Variants in CA5A observed in about 807,000 individuals in gnomAD.
The protein encoded by CA5A is carbonic anhydrase 5A, mitochondrial.
CA5A carries 28 observed loss-of-function variants against 37.1 expected under a neutral mutation model. The ratio of observed to expected loss-of-function variants is 0.75; its 90% CI spans 0.56 to 1.03. The LOEUF (loss-of-function observed/expected upper bound fraction) is 1.03, where lower values mean the gene tolerates loss of function less well. Ranked by LOEUF, CA5A falls within the 50% of genes least tolerant of loss-of-function variation. The pLI is 0.00. For synonymous variants in CA5A, 171 were observed against 158.4 expected (o/e 1.08, Z -0.60); for missense variants, 444 against 399.9 (o/e 1.11, Z -0.94).
At chr16:87,905,655 G>C (rs2055950461) in intron 2 of CA5A, among the ~76,000 whole-genome samples, 1 of 152,192 alleles carries the variant, frequency 6.6e-6, no homozygotes, top group South Asian at 2.1e-4. Flanking sequence ...CACCGCTCCT[G>C]GGTGAGCAAG....
At chr16:87,910,929 T>C (rs564295376) in intron 2 of CA5A, among the ~76,000 whole-genome samples, 10 of 151,916 alleles carry the variant, frequency 6.6e-5, no homozygotes, top group Non-Finnish European at 1.3e-4. Flanking sequence ...TTTGTATTTT[T>C]AGTAGAGACG....
At chr16:87,915,007 C>T (rs1292520218) in intron 2 of CA5A, among the ~76,000 whole-genome samples, 1 of 152,222 alleles carries the variant, frequency 6.6e-6, no homozygotes, top group African/African-American at 2.4e-5. Context: ...AGCGATGGGG[C>T]CAGCATGGCC....
At chr16:87,899,871 G>A (rs2143939086) in intron 5 of CA5A, among the ~76,000 whole-genome samples, 1 of 139,252 alleles carries the variant, frequency 7.2e-6, no homozygotes, top group South Asian at 2.3e-4. Flanking sequence ...AGTGAGCCGA[G>A]GTCGCACCAT....
chr16:87,927,083 T>C, intron 1 of CA5A, 138 bp from the exon 2 acceptor site: 2 of 638,392 alleles, frequency 3.1e-6, no homozygotes, highest in South Asian at 3.7e-5. Context: ...AACGGGCGCG[T>C]GGGGGCCCCT....
At chr16:87,899,039 G>A (rs941449993) in intron 5 of CA5A, among the ~76,000 whole-genome samples, 11 of 152,122 alleles carry the variant, frequency 7.2e-5, no homozygotes, top group African/African-American at 2.7e-4. Context: ...CTGGGCTACT[G>A]TGGATGTTTA....
At chr16:87,900,326 G>C (rs971415451) in intron 5 of CA5A, among the ~76,000 whole-genome samples, 2 of 152,216 alleles carry the variant, frequency 1.3e-5, no homozygotes, top group African/African-American at 4.8e-5. Flanking sequence ...TGAAGTTCCT[G>C]AGCAGGCAGA....
At chr16:87,910,633 G>A (rs558706383) in intron 2 of CA5A, among the ~76,000 whole-genome samples, 206 of 152,110 alleles carry the variant, frequency 1.4e-3, no homozygotes, top group Middle Eastern at 3.4e-3. Context: ...GCTGGAGCGC[G>A]GTGGGGTGCT....
chr16:87,893,029 A>T (rs2055746606), intron 5 of CA5A: 1 of 1,231,300 alleles, frequency 8.1e-7, no homozygotes, highest in Admixed American at 1.9e-5. Flanking sequence ...GCAGACAAGA[A>T]TGTGCCCAAC....
intron 1 of CA5A, among the ~76,000 whole-genome samples, chr16:87,928,254 C>T (rs1280527625): frequency 6.6e-6 from 1 of 152,204 alleles, no homozygotes; most frequent in African/African-American, 2.4e-5. Context: ...GCCTTGAACC[C>T]CTAGGCTGAA....
intron 5 of CA5A, among the ~76,000 whole-genome samples, chr16:87,894,412 C>A (rs1321176673): frequency 1.3e-5 from 2 of 152,122 alleles, no homozygotes; most frequent in Non-Finnish European, 2.9e-5. Context: ...TGGAAGCTGG[C>A]AACCCAGATG....
intron 2 of CA5A, among the ~76,000 whole-genome samples, chr16:87,916,022 C>A (rs1248697358): frequency 1.3e-5 from 2 of 151,774 alleles, no homozygotes; most frequent in Non-Finnish European, 2.9e-5. Context: ...ATGGGGGCAG[C>A]CAAGAGACAG....
Position 87,933,573 on chromosome 16 carries a change from G to C in CA5A, c.142+2736C>G, listed in dbSNP as rs112868890. 1.8e-3 allele frequency among the ~76,000 whole-genome samples: 272 copies of C among 151,530 alleles called. 3 individuals carry two copies. The highest frequency in any genetic ancestry group is 6.2e-3 in the African/African-American group (256 of 41,344). On this transcript the variant is annotated intron_variant, in intron 1 of 6. Transcript: ENST00000649794. ...TAATTTTTTTTTTTTTTTAGAGATG[G>C]GTTCTTGCTATGTTGCCCAGGCTGA...
intron 2 of CA5A, among the ~76,000 whole-genome samples, chr16:87,913,007 C>T (rs1457392121): frequency 1.3e-5 from 2 of 150,742 alleles, no homozygotes; most frequent in African/African-American, 4.9e-5. Flanking sequence ...TTTTTTGAGA[C>T]AGAGTCTCGC....
chr16:87,892,837 G>C (rs898114796), intron 5 of CA5A: 3 of 322,974 alleles, frequency 9.3e-6, no homozygotes, highest in Non-Finnish European at 1.7e-5. Context: ...TGTATTTTTA[G>C]TAGAGACAGG....
At chr16:87,903,040 G>GGT (rs1255105559) in intron 3 of CA5A, among the ~76,000 whole-genome samples, 1 of 152,170 alleles carries the variant, frequency 6.6e-6, no homozygotes, top group Non-Finnish European at 1.5e-5. Flanking sequence ...TCCTGGTGGG[G>GGT]GGGGAAAGGA....
At chr16:87,916,182 C>A (rs13334777) in intron 2 of CA5A, among the ~76,000 whole-genome samples, 27,320 of 143,298 alleles carry the variant, frequency 0.19, 5,284 homozygotes, top group African/African-American at 0.51. Context: ...AAAAAAAAAA[C>A]AAAAAACCAT....
chr16:87,903,066 C>G (rs532373764), intron 3 of CA5A, among the ~76,000 whole-genome samples: 5 of 152,118 alleles, frequency 3.3e-5, no homozygotes, highest in African/African-American at 9.7e-5. Context: ...TCATGTTAAC[C>G]TCATCCAATA....
intron 2 of CA5A, among the ~76,000 whole-genome samples, chr16:87,910,437 G>C (rs12931883): frequency 6.6e-6 from 1 of 152,140 alleles, no homozygotes; most frequent in Non-Finnish European, 1.5e-5. Flanking sequence ...ACCTGCCCCA[G>C]TTTAGCCGGC....
In CA5A at chr16:87,891,967, G is replaced by C. The variant is rs753430924; in HGVS notation, c.619-13C>G. 1.3e-6 allele frequency: 2 copies of C among 1,526,136 alleles called. No individual in the cohort carries two copies. The highest frequency in any genetic ancestry group is 1.8e-6 in the Non-Finnish European group (2 of 1,137,910). 94.5% of individuals were successfully genotyped at this position (1,526,136 alleles called of 1,614,324 possible). ...CCGCCCGCGCGTCCTGAGAGACCGAGAAGCACAGGACGTGTCAGTCCTCAG... is the reference window on the plus strand; with the variant it reads ...CCGCCCGCGCGTCCTGAGAGACCGACAAGCACAGGACGTGTCAGTCCTCAG... On this transcript the variant is annotated splice_polypyrimidine_tract_variant and intron_variant, in intron 5 of 6. Coordinates refer to ENST00000649794, the MANE Select transcript of CA5A (RefSeq NM_001739.2).
Sources: gnomAD v4.1 joint callset for allele counts (sites outside exome capture counted in the v4.1 genomes callset) on GRCh38, gnomAD v4.1.1 for gene constraint, MANE v1.5 for transcripts, NCBI Gene and HGNC (gene_info 2026-07-23, HGNC 2026-07-21) for gene names.